CLPB: variants seen among roughly 807,000 people sequenced by gnomAD.
The protein encoded by CLPB is mitochondrial disaggregase.
A neutral mutation model predicts 78.4 loss-of-function variants in CLPB; 40 were observed. The ratio of observed to expected loss-of-function variants is 0.51; its 90% CI spans 0.40 to 0.66. The LOEUF (loss-of-function observed/expected upper bound fraction) is 0.66, where lower values mean the gene tolerates loss of function less well. Among genes scored for constraint, CLPB ranks in the 30% least tolerant of loss-of-function variants. The pLI is 0.00. For missense variants in CLPB, 780 were observed against 886.9 expected (o/e 0.88, Z 1.53); for synonymous variants, 333 against 348.0 (o/e 0.96, Z 0.48).
intron 7 of CLPB, among the ~76,000 whole-genome samples, chr11:72,309,682 A>G (rs1174172310): frequency 2.0e-5 from 3 of 152,284 alleles, no homozygotes; most frequent in African/African-American, 7.2e-5. Context: ...AAAAAGTAAC[A>G]TATGGCTGCT....
intron 7 of CLPB, 43 bp from the exon 8 acceptor site, chr11:72,308,647 G>A: frequency 1.3e-6 from 2 of 1,536,226 alleles, no homozygotes; most frequent in South Asian, 2.2e-5. Context: ...GAGGGAGGCA[G>A]ATAAATCAAT....
At chr11:72,318,993 C>T (rs144003598) in intron 6 of CLPB, among the ~76,000 whole-genome samples, 61 of 152,322 alleles carry the variant, frequency 4.0e-4, no homozygotes, top group African/African-American at 1.3e-3. Flanking sequence ...TGCTGACTTG[C>T]AGTCGGGCAG....
At chr11:72,358,330 G>A (rs1341576809) in intron 5 of CLPB, among the ~76,000 whole-genome samples, 1 of 152,194 alleles carries the variant, frequency 6.6e-6, no homozygotes, top group Non-Finnish European at 1.5e-5. Flanking sequence ...TTAGGGAGAA[G>A]GCTATTGAAC....
rs1248698879 is a variant in CLPB, at chr11:72,342,832, T to C, written c.776-13028A>G. ...CGTAGAAGGCGGCAGCTTTTGTTCA[T>C]GCACTAAAAACACATCATCTTCAAA... On this transcript the variant is annotated intron_variant, in intron 5 of 15. Coordinates refer to ENST00000538039, the MANE Select transcript of CLPB (RefSeq NM_001258392.3). Among the ~76,000 whole-genome samples the C allele has an allele frequency of 2.6e-5, 4 of 152,240 alleles. No homozygotes were observed. In the South Asian group the frequency reaches 8.3e-4, roughly 31 times the overall value.
intron 5 of CLPB, chr11:72,352,754 T>C (rs1258009859): frequency 1.3e-5 from 2 of 152,262 alleles, no homozygotes; most frequent in Non-Finnish European, 2.9e-5. Flanking sequence ...GGATCATCTT[T>C]ATTTCCTTGG....
At chr11:72,389,832 G>A (rs1855193171) in intron 3 of CLPB, among the ~76,000 whole-genome samples, 1 of 151,986 alleles carries the variant, frequency 6.6e-6, no homozygotes, top group South Asian at 2.1e-4. Context: ...AGGATCGCTT[G>A]AGCTCAGGAG....
At chr11:72,410,300 CTT>C (rs1423357539) in intron 2 of CLPB, among the ~76,000 whole-genome samples, 1 of 152,138 alleles carries the variant, frequency 6.6e-6, no homozygotes, top group Non-Finnish European at 1.5e-5. Flanking sequence ...GAATGAATGA[CTT>C]AGCCTCTCTG....
chr11:72,325,018 T>G (rs1281355621), intron 6 of CLPB, among the ~76,000 whole-genome samples: 1 of 152,100 alleles, frequency 6.6e-6, no homozygotes, highest in Admixed American at 6.6e-5. Context: ...TCTTTGGGTG[T>G]GATTAAAATG....
chr11:72,366,041 A>C (rs917746963), intron 4 of CLPB, among the ~76,000 whole-genome samples: 3 of 152,224 alleles, frequency 2.0e-5, no homozygotes, highest in Non-Finnish European at 4.4e-5. Flanking sequence ...CTATGACAAA[A>C]ACAAAAATTG....
At chr11:72,349,868 C>A (rs551693639) in intron 5 of CLPB, among the ~76,000 whole-genome samples, 1 of 152,202 alleles carries the variant, frequency 6.6e-6, no homozygotes, top group Non-Finnish European at 1.5e-5. Flanking sequence ...CTGGCCCAGC[C>A]GATGCTGACC....
At chr11:72,345,612 G>A (rs1447385030) in intron 5 of CLPB, among the ~76,000 whole-genome samples, 1 of 152,200 alleles carries the variant, frequency 6.6e-6, no homozygotes, top group Non-Finnish European at 1.5e-5. Context: ...ACTTCTCTGA[G>A]TATACCTTTT....
intron 4 of CLPB, among the ~76,000 whole-genome samples, chr11:72,361,559 G>A (rs779591658): frequency 2.0e-5 from 3 of 152,180 alleles, no homozygotes; most frequent in African/African-American, 4.8e-5. Context: ...CACTGGCCAG[G>A]CAGGCAGGGA....
In CLPB at chr11:72,358,872, G is replaced by T; in HGVS notation, c.775+8C>A. On this transcript the variant is annotated splice_region_variant and intron_variant, in intron 5 of 15. Transcript: ENST00000538039. ...CCCACCCCACCCCTCCTCCACCTCT[G>T]CTCTCACCTCCATCAAGCAGCTCCT... 1 of 1,251,562 alleles carries T rather than the reference G, an allele frequency of 8.0e-7. No individual in the cohort carries two copies. The highest frequency in any genetic ancestry group is 1.0e-6 in the Non-Finnish European group (1 of 957,846). 77.5% of individuals were successfully genotyped at this position (1,251,562 alleles called of 1,614,324 possible).
intron 6 of CLPB, among the ~76,000 whole-genome samples, chr11:72,329,035 C>T (rs980987399): frequency 6.6e-6 from 1 of 152,234 alleles, no homozygotes; most frequent in African/African-American, 2.4e-5. Context: ...TTTCCCATCA[C>T]TGGACTTGAT....
At chr11:72,392,295 G>A (rs867760403) in intron 3 of CLPB, among the ~76,000 whole-genome samples, 3 of 152,098 alleles carry the variant, frequency 2.0e-5, no homozygotes, top group African/African-American at 7.2e-5. Context: ...TGCACACCTC[G>A]ATGAGGGGAG....
chr11:72,390,120 G>C (rs1161381294), intron 3 of CLPB, among the ~76,000 whole-genome samples: 7 of 152,012 alleles, frequency 4.6e-5, no homozygotes, highest in Non-Finnish European at 1.0e-4. Context: ...CCCAGATCAG[G>C]CTTTGATAGA....
intron 5 of CLPB, among the ~76,000 whole-genome samples, chr11:72,358,544 T>C (rs1245166458): frequency 6.6e-6 from 1 of 151,884 alleles, no homozygotes; most frequent in Non-Finnish European, 1.5e-5. Flanking sequence ...AGAGAACACT[T>C]TTAGGGATAG....
At chr11:72,293,818 T>C (rs934610948) in intron 15 of CLPB, among the ~76,000 whole-genome samples, 1 of 152,230 alleles carries the variant, frequency 6.6e-6, no homozygotes, top group African/African-American at 2.4e-5. Flanking sequence ...TCCCTGGTCC[T>C]AGTGGGGTTC....
At chr11:72,351,017 C>A (rs1950604977) in intron 5 of CLPB, among the ~76,000 whole-genome samples, 2 of 152,194 alleles carry the variant, frequency 1.3e-5, no homozygotes, top group South Asian at 4.1e-4. Flanking sequence ...CCCCAGATAA[C>A]TGCTAACATG....
Sources: allele counts gnomAD v4.1 joint callset (sites outside exome capture counted in the v4.1 genomes callset), GRCh38; gene constraint gnomAD v4.1.1; transcripts MANE v1.5; gene names NCBI Gene and HGNC (gene_info 2026-07-23, HGNC 2026-07-21).